The following PLCE1 variants were observed in gnomAD, a reference collection of about 807,000 sequenced individuals.
The protein encoded by PLCE1 is 1-phosphatidylinositol 4,5-bisphosphate phosphodiesterase epsilon-1.
Under a neutral mutation model 242.8 loss-of-function variants are expected in PLCE1, and 119 were observed. That is an observed-to-expected ratio of 0.49 (90% CI 0.42 to 0.57). The LOEUF (loss-of-function observed/expected upper bound fraction) is 0.57. PLCE1 is among the 20% of genes least tolerant of loss of function. The pLI, the probability that PLCE1 is intolerant of heterozygous loss-of-function variation, is 0.00. For synonymous variants in PLCE1, 945 were observed against 1,017.4 expected, an observed-to-expected ratio of 0.93 and a Z score of 1.35; for missense variants, 2,441 against 2,788.8, an observed-to-expected ratio of 0.88 and a Z score of 2.81.
chr10:94,006,052 C>G (rs541984874), intron 1 of PLCE1, among the ~76,000 whole-genome samples: 1 of 152,192 alleles, frequency 6.6e-6, no homozygotes, highest in South Asian at 2.1e-4. Flanking sequence ...CAGGCATACC[C>G]GGGTTTGATC....
intron 4 of PLCE1, among the ~76,000 whole-genome samples, chr10:94,216,569 T>C (rs2049536987): frequency 2.0e-5 from 3 of 152,144 alleles, no homozygotes; most frequent in Admixed American, 1.3e-4. Context: ...GGGTATACCC[T>C]GACTTTCTGG....
intron 22 of PLCE1, among the ~76,000 whole-genome samples, chr10:94,292,919 C>A (rs1372866532): frequency 9.9e-5 from 15 of 152,194 alleles, no homozygotes; most frequent in Admixed American, 9.8e-4. Flanking sequence ...AGGCACTGTG[C>A]CAGGCATGAA....
chr10:94,132,445 G>T lies in PLCE1; in HGVS notation c.1478G>T (p.Arg493Leu). 1 of 1,613,930 alleles carries T rather than the reference G, an allele frequency of 6.2e-7. No homozygotes were observed. The highest frequency in any genetic ancestry group is 8.5e-7 in the Non-Finnish European group (1 of 1,179,918). The change falls in exon 3 of 33, where the codon CGA (arginine) becomes CTA (leucine). Residue 493 changes from arginine (R) to leucine (L), a missense_variant. Coordinates refer to ENST00000371380, the MANE Select transcript of PLCE1 (RefSeq NM_016341.4). The part of the protein sequence containing the change: ...LLSTFGGSTG[R>L]MMLKERQPGP... ...AGTACTTTTGGAGGATCCACTGGAC[G>T]AATGATGCTGAAAGGTAATGCCTGA...
chr10:94,236,113 C>A lies in PLCE1; in HGVS notation c.2413C>A (p.Arg805=). The part of the protein sequence containing the change: ...SRKSSLKDKS[R]WQFIIGDLLD... The stretch of plus-strand genomic sequence containing the variant: ...GAAAAGCTCCTTGAAGGATAAAAGC[C>A]GATGGCAGTAAGTTTTACACGTTAA... Residue 805 remains arginine (R), a synonymous_variant, in exon 7 of 33, where the codon CGA becomes AGA. Coordinates refer to ENST00000371380, the MANE Select transcript of PLCE1 (RefSeq NM_016341.4). The A allele has an allele frequency of 1.2e-6, 2 of 1,613,074 alleles. No homozygotes were observed. Among genetic ancestry groups the A allele is most frequent in the Non-Finnish European group, 1.7e-6 (2 of 1,179,396 alleles).
chr10:93,995,276 T>G (rs2060799217), intron 1 of PLCE1, among the ~76,000 whole-genome samples: 1 of 152,246 alleles, frequency 6.6e-6, no homozygotes, highest in African/African-American at 2.4e-5. Context: ...TTCTGAAGAA[T>G]GTCTGATGGT....
At chr10:94,235,832 A>G in intron 6 of PLCE1, 83 bp from the exon 7 acceptor site, 1 of 1,477,226 alleles carries the variant, frequency 6.8e-7, no homozygotes, top group South Asian at 1.2e-5. Context: ...ATTATTTATT[A>G]CTTTATGATT....
chr10:94,039,364 G>A (rs2061723527), intron 2 of PLCE1, among the ~76,000 whole-genome samples: 3 of 151,976 alleles, frequency 2.0e-5, no homozygotes, highest in Non-Finnish European at 2.9e-5. Flanking sequence ...ATGCAAAAGG[G>A]TTCTAGTTTC....
intron 4 of PLCE1, among the ~76,000 whole-genome samples, chr10:94,215,503 G>A (rs2049489266): frequency 6.6e-6 from 1 of 152,118 alleles, no homozygotes; most frequent in African/African-American, 2.4e-5. Flanking sequence ...AATTATCTGA[G>A]GGCTCAGGGA....
chr10:94,137,887 G>A, intron 3 of PLCE1: 1 of 316,340 alleles, frequency 3.2e-6, no homozygotes, highest in Non-Finnish European at 6.3e-6. Context: ...ACTGAAAAAT[G>A]AAAATCTATT....
chr10:94,127,456 A>G (rs1411880813), intron 2 of PLCE1, among the ~76,000 whole-genome samples: 1 of 152,166 alleles, frequency 6.6e-6, no homozygotes, highest in African/African-American at 2.4e-5. Context: ...GCTTCTTCAC[A>G]TGGCAGTTGT....
Position 94,254,068 on chromosome 10 carries a change from G to A in PLCE1, c.3280-122G>A, listed in dbSNP as rs61130871. 1.9e-4 allele frequency: 149 copies of A among 789,742 alleles called. 2 individuals are homozygous for A. In the African/African-American group the frequency reaches 2.4e-3, roughly 13 times the overall value. The allele number at this position is 789,742 out of a possible 1,614,324, so 48.9% of individuals were successfully genotyped here. On this transcript the variant is annotated intron_variant, in intron 9 of 32. Coordinates refer to ENST00000371380, the MANE Select transcript of PLCE1 (RefSeq NM_016341.4). ...GTCAGCCTTAATGTAGGTCTTTACC[G>A]GTTTTACCAGGAAGAGGCAGTATTG...
At position 94,246,118 on chromosome 10, in the gene PLCE1, G is replaced by A. The variant is rs191731938; in HGVS notation, c.2593G>A (p.Ala865Thr). ...ADVHQFLLQG[A>T]TVIHYDQDTH... ...TGTGCACCAGTTCCTGCTGCAGGGG[G>A]CCACGGTCATCCACTACGACCAGGA... is the stretch of plus-strand genomic sequence containing the variant. The change falls in exon 8 of 33, where the codon GCC becomes ACC. Residue 865 changes from alanine to threonine, a missense_variant. Physicochemically the swap from Ala to Thr is moderately conservative, Grantham distance 58. Transcript: ENST00000371380. 1.9e-5 allele frequency: 30 copies of A among 1,614,104 alleles called. 1 individual carries two copies. In the South Asian group the frequency reaches 3.1e-4, roughly 17 times the overall value.
intron 2 of PLCE1, among the ~76,000 whole-genome samples, chr10:94,109,381 G>A (rs2045871683): frequency 6.6e-6 from 1 of 152,116 alleles, no homozygotes; most frequent in African/African-American, 2.4e-5. Flanking sequence ...AAAAGAAAAT[G>A]TGACCCACTT....
At chr10:94,107,478 A>C (rs2045793659) in intron 2 of PLCE1, 1 of 152,236 alleles carries the variant, frequency 6.6e-6, no homozygotes, top group Admixed American at 6.5e-5. Flanking sequence ...GTTCTAGTGT[A>C]AAACTACAAA....
rs368426208 is a variant in PLCE1, at chr10:94,246,123, G to C, written c.2598G>C (p.Thr866=). 1.1e-4 allele frequency: 172 copies of C among 1,614,048 alleles called. No homozygotes were observed. The Middle Eastern group carries it at 3.8e-3, about 36-fold the overall frequency. Residue 866 remains threonine (T), a synonymous_variant, in exon 8 of 33, where the codon ACG becomes ACC. Transcript: ENST00000371380. ...DVHQFLLQGA[T]VIHYDQDTHL... ...ACCAGTTCCTGCTGCAGGGGGCCACGGTCATCCACTACGACCAGGACACAC... is the reference window on the plus strand; with the variant it reads ...ACCAGTTCCTGCTGCAGGGGGCCACCGTCATCCACTACGACCAGGACACAC...
At chr10:94,000,936 G>A (rs990285199) in intron 1 of PLCE1, among the ~76,000 whole-genome samples, 6 of 152,198 alleles carry the variant, frequency 3.9e-5, no homozygotes, top group Non-Finnish European at 7.3e-5. Flanking sequence ...ACGGGGGCAA[G>A]GGTCAGAGTA....
At chr10:94,165,224 A>G (rs1348698795) in intron 3 of PLCE1, among the ~76,000 whole-genome samples, 2 of 152,182 alleles carry the variant, frequency 1.3e-5, no homozygotes, top group Non-Finnish European at 2.9e-5. Flanking sequence ...CCCTGCCCCC[A>G]GAGGTGGAGT....
At chr10:94,310,764 C>A (rs1428235797) in intron 27 of PLCE1, among the ~76,000 whole-genome samples, 3 of 152,136 alleles carry the variant, frequency 2.0e-5, no homozygotes, top group African/African-American at 4.8e-5. Context: ...AACATGGTGT[C>A]TTTTCCAACT....
At chr10:94,236,511 A>C (rs1427512308) in intron 7 of PLCE1, among the ~76,000 whole-genome samples, 1 of 152,146 alleles carries the variant, frequency 6.6e-6, no homozygotes, top group Non-Finnish European at 1.5e-5. Flanking sequence ...GGTGGGTATT[A>C]AGATATTTTT....
Sources: gnomAD v4.1 joint callset for allele counts (sites outside exome capture counted in the v4.1 genomes callset) on GRCh38, gnomAD v4.1.1 for gene constraint, MANE v1.5 for transcripts, NCBI Gene and HGNC (gene_info 2026-07-23, HGNC 2026-07-21) for gene names.